Variants in SLC9B1 observed in about 807,000 individuals in gnomAD.
SLC9B1 encodes the protein solute carrier family 9 member B1, also known as sodium/hydrogen exchanger 9B1.
In SLC9B1, 32 loss-of-function variants were observed where a neutral mutation model predicts 51.7. That is an observed-to-expected ratio of 0.62 (90% CI 0.47 to 0.83). The LOEUF is 0.83. SLC9B1 is among the 40% of genes least tolerant of loss of function. SLC9B1 has a pLI of 0.00. For missense variants in SLC9B1, 406 were observed against 613.2 expected, an observed-to-expected ratio of 0.66 and a Z score of 3.57; for synonymous variants, 145 against 212.7, an observed-to-expected ratio of 0.68 and a Z score of 2.77.
At chr4:102,997,622 C>T (rs186816862) in intron 1 of SLC9B1, among the ~76,000 whole-genome samples, 149 of 152,024 alleles carry the variant, frequency 9.8e-4, no homozygotes, top group Middle Eastern at 6.8e-3. Flanking sequence ...TTTATTTCTT[C>T]CTCTCTAAAT....
chr4:102,934,954 C>G (rs1410219728), intron 6 of SLC9B1, among the ~76,000 whole-genome samples: 1 of 152,050 alleles, frequency 6.6e-6, no homozygotes, highest in Non-Finnish European at 1.5e-5. Context: ...CAATTCTGCT[C>G]TTTCTCCCCC....
At chr4:102,986,701 G>A (rs1483852956) in intron 3 of SLC9B1, among the ~76,000 whole-genome samples, 1 of 151,992 alleles carries the variant, frequency 6.6e-6, no homozygotes, top group Non-Finnish European at 1.5e-5. Flanking sequence ...AGTTTTAGAA[G>A]TTTCTACTGG....
Position 102,932,230 on chromosome 4 carries a change from A to G in SLC9B1, c.723T>C (p.Tyr241=). The G allele has an allele frequency of 6.2e-7, 1 of 1,611,928 alleles. No homozygotes were observed. Among genetic ancestry groups the G allele is most frequent in the Non-Finnish European group, 8.5e-7 (1 of 1,179,790 alleles). The change falls in exon 7 of 12, where the codon TAT becomes TAC. Residue 241 remains tyrosine, a synonymous_variant. Coordinates refer to ENST00000296422, the MANE Select transcript of SLC9B1 (RefSeq NM_139173.4). Reference sequence around the variant, plus strand: ...AGGTTGGAATGCCTTCCTCAACACCATATCCATTTTCTTGCAGCACCATCA... The same window carrying G: ...AGGTTGGAATGCCTTCCTCAACACCGTATCCATTTTCTTGCAGCACCATCA... The part of the protein sequence containing the change: ...PYMMVLQENG[Y]GVEEGIPTLL...
intron 3 of SLC9B1, among the ~76,000 whole-genome samples, chr4:102,970,077 CAGG>C (rs369439256): frequency 0.017 from 2,617 of 152,230 alleles, 31 homozygotes; most frequent in Non-Finnish European, 0.023. Context: ...GGATATTATT[CAGG>C]AGAACTTCCC....
chr4:102,978,111 A>G (rs924876194), intron 3 of SLC9B1, among the ~76,000 whole-genome samples: 52 of 152,258 alleles, frequency 3.4e-4, no homozygotes, highest in South Asian at 1.4e-3. Context: ...TTCCAGCTTC[A>G]TCCATGTCCC....
intron 1 of SLC9B1, among the ~76,000 whole-genome samples, chr4:102,995,580 T>C (rs916534699): frequency 1.3e-5 from 2 of 152,186 alleles, no homozygotes; most frequent in African/African-American, 4.8e-5. Context: ...CACAGGTTAA[T>C]AGCTATAAGA....
At chr4:102,892,667 C>T (rs1170976208) in intron 11 of SLC9B1, 2 of 152,076 alleles carry the variant, frequency 1.3e-5, no homozygotes, top group Non-Finnish European at 2.9e-5. Context: ...ATAGATCAGC[C>T]ATAATGTTAA....
At chr4:102,926,550 G>A (rs996274828) in intron 7 of SLC9B1, among the ~76,000 whole-genome samples, 4 of 152,128 alleles carry the variant, frequency 2.6e-5, no homozygotes, top group African/African-American at 9.7e-5. Flanking sequence ...GGGTTGTGAA[G>A]GACCTCTTCA....
At chr4:102,893,306 GAAAA>G (rs1246477597) in intron 11 of SLC9B1, among the ~76,000 whole-genome samples, 4 of 81,448 alleles carry the variant, frequency 4.9e-5, no homozygotes, top group Non-Finnish European at 2.4e-5. Context: ...AAAAAAAAAA[GAAAA>G]AGAAAAAAGA....
In SLC9B1 at chr4:103,011,889, A is replaced by G. The variant is rs1202251837; in HGVS notation, c.-2+7710T>C. 2.0e-5 allele frequency among the ~76,000 whole-genome samples: 3 copies of G among 152,136 alleles called. No individual in the cohort carries two copies. In the East Asian group the frequency reaches 5.8e-4, roughly 29 times the overall value. On this transcript the variant is annotated intron_variant, in intron 1 of 11. Coordinates refer to ENST00000296422, the MANE Select transcript of SLC9B1 (RefSeq NM_139173.4). ...AAGGCCCTGGCACTCTGAGCCTGTG[A>G]TAAGAGTGGTAGCCTCAAAGATCTC...
intron 3 of SLC9B1, chr4:102,963,221 T>C (rs566907553): frequency 1.2e-5 from 4 of 343,286 alleles, no homozygotes; most frequent in Non-Finnish European, 1.7e-5. Flanking sequence ...GGAAGCTTAA[T>C]GATAGCCTCA....
At chr4:102,887,551 G>A in intron 11 of SLC9B1, 1 of 579,348 alleles carries the variant, frequency 1.7e-6, no homozygotes, top group East Asian at 2.9e-5. Flanking sequence ...ACTACTGTTT[G>A]TATTTGATCC....
chr4:103,002,271 G>A (rs763939642), intron 1 of SLC9B1, among the ~76,000 whole-genome samples: 70 of 152,174 alleles, frequency 4.6e-4, no homozygotes, highest in Non-Finnish European at 7.8e-4. Flanking sequence ...TATTGGAAGA[G>A]CTGAATTAAC....
intron 3 of SLC9B1, among the ~76,000 whole-genome samples, chr4:102,976,709 G>A (rs562198688): frequency 4.6e-5 from 7 of 152,300 alleles, no homozygotes; most frequent in African/African-American, 1.2e-4. Context: ...ATATAGCAAC[G>A]TGAAGTCAAG....
At chr4:103,015,455 C>T (rs1741268163) in intron 1 of SLC9B1, among the ~76,000 whole-genome samples, 1 of 152,112 alleles carries the variant, frequency 6.6e-6, no homozygotes, top group Admixed American at 6.5e-5. Context: ...AATTCAACCA[C>T]TAATACCCAG....
intron 7 of SLC9B1, among the ~76,000 whole-genome samples, chr4:102,926,865 C>G (rs1736208741): frequency 6.6e-6 from 1 of 152,062 alleles, no homozygotes; most frequent in Non-Finnish European, 1.5e-5. Context: ...CAAGGCTGCA[C>G]TAACCAAAAC....
chr4:102,916,598 T>C (rs567490179), intron 7 of SLC9B1, among the ~76,000 whole-genome samples: 3 of 152,318 alleles, frequency 2.0e-5, no homozygotes, highest in South Asian at 2.1e-4. Context: ...ATCTGACATA[T>C]ACAGAACACT....
At chr4:102,993,520 G>A (rs1379916427) in intron 1 of SLC9B1, among the ~76,000 whole-genome samples, 2 of 152,196 alleles carry the variant, frequency 1.3e-5, no homozygotes, top group African/African-American at 2.4e-5. Context: ...GGCATTGAGG[G>A]TCTGCTGCTT....
At chr4:102,919,471 T>C (rs1735751836) in intron 7 of SLC9B1, among the ~76,000 whole-genome samples, 1 of 152,194 alleles carries the variant, frequency 6.6e-6, no homozygotes, top group Non-Finnish European at 1.5e-5. Context: ...AGTTCCGGTC[T>C]GCAGCTCCCA....
Sources: allele counts gnomAD v4.1 joint callset (sites outside exome capture counted in the v4.1 genomes callset), GRCh38; gene constraint gnomAD v4.1.1; transcripts MANE v1.5; gene names NCBI Gene and HGNC (gene_info 2026-07-23, HGNC 2026-07-21).